The following MCC variants were observed in gnomAD, a reference collection of about 807,000 sequenced individuals.
The protein encoded by MCC is colorectal mutant cancer protein.
Under a neutral mutation model 116.2 loss-of-function variants are expected in MCC, and 90 were observed. The observed-to-expected ratio is 0.77, with a 90% confidence interval of 0.65 to 0.92. The LOEUF is 0.92. Ranked by LOEUF, MCC falls within the 40% of genes least tolerant of loss-of-function variation. The probability of loss-of-function intolerance (pLI) is 0.00; values close to 1 mark genes in which losing one functional copy is unlikely to be tolerated. For missense variants in MCC, 1,516 were observed against 1,312.2 expected (o/e 1.16, Z -2.40); for synonymous variants, 578 against 510.5 (o/e 1.13, Z -1.78).
chr5:113,124,868 G>A (rs1757952510), intron 5 of MCC, among the ~76,000 whole-genome samples: 1 of 152,244 alleles, frequency 6.6e-6, no homozygotes, highest in African/African-American at 2.4e-5. Flanking sequence ...TTCACAAGAA[G>A]GATGCTGTGG....
intron 3 of MCC, among the ~76,000 whole-genome samples, chr5:113,275,271 T>A (rs1374211245): frequency 6.6e-6 from 1 of 152,196 alleles, no homozygotes; most frequent in Non-Finnish European, 1.5e-5. Flanking sequence ...GCCAAACCAG[T>A]AGGTAAAATG....
chr5:113,215,281 G>C (rs1023749164), intron 3 of MCC, among the ~76,000 whole-genome samples: 1 of 152,134 alleles, frequency 6.6e-6, no homozygotes. Flanking sequence ...CAGACAACTT[G>C]GTGGGGGGAG....
intron 3 of MCC, among the ~76,000 whole-genome samples, chr5:113,229,823 T>C (rs968244024): frequency 2.0e-5 from 3 of 152,244 alleles, no homozygotes; most frequent in South Asian, 2.1e-4. Context: ...GTCTGTAGCA[T>C]AGGAGCAACA....
At chr5:113,260,374 T>C (rs1034452094) in intron 3 of MCC, among the ~76,000 whole-genome samples, 1 of 152,196 alleles carries the variant, frequency 6.6e-6, no homozygotes, top group African/African-American at 2.4e-5. Context: ...AATGTCCTGC[T>C]TAATGGAAAA....
In MCC at chr5:113,434,934, C is replaced by A; in HGVS notation, c.171-49722G>T. On this transcript the variant is annotated intron_variant, in intron 1 of 18. Coordinates refer to ENST00000408903, the MANE Select transcript of MCC (RefSeq NM_001085377.2). This position sits in a 1 kb window ranked among gnomAD's most constrained non-coding sequence, Gnocchi z 4.2. ...CTCATTTACATCCTGGATAGAGAGT[C>A]CTTTGGGCTGGCCAGGCCTGCTGTT... 3 of 1,475,264 alleles carry A rather than the reference C, an allele frequency of 2.0e-6. No individual in the cohort carries two copies. Among genetic ancestry groups the A allele is most frequent in the South Asian group, 1.4e-5 (1 of 72,812 alleles). 91.4% of individuals were successfully genotyped at this position (1,475,264 alleles called of 1,614,324 possible).
At chr5:113,196,902 GCC>G (rs1762439840) in intron 3 of MCC, among the ~76,000 whole-genome samples, 2 of 152,136 alleles carry the variant, frequency 1.3e-5, no homozygotes, top group Non-Finnish European at 2.9e-5. Context: ...CTGAGTTTGG[GCC>G]CTGTGATCTG....
Position 113,297,320 on chromosome 5 carries a change from T to C in MCC, c.627+43199A>G, listed in dbSNP as rs540931642. The stretch of plus-strand genomic sequence containing the variant: ...AATTCAAGGTCCAGCCTAGCCAACA[T>C]GGTAAAACCCTGTCTCTACTAGGAT... On this transcript the variant is annotated intron_variant, in intron 3 of 18. Coordinates refer to ENST00000408903, the MANE Select transcript of MCC (RefSeq NM_001085377.2). 5.0e-4 allele frequency among the ~76,000 whole-genome samples: 76 copies of C among 151,958 alleles called. 1 individual carries two copies. Among genetic ancestry groups the C allele is most frequent in the Non-Finnish European group, 1.0e-3 (70 of 67,998 alleles).
chr5:113,466,334 TC>T (rs1259147674), intron 1 of MCC, among the ~76,000 whole-genome samples: 1 of 75,152 alleles, frequency 1.3e-5, no homozygotes, highest in African/African-American at 5.2e-5. Flanking sequence ...CCCTCCCCCC[TC>T]CCCCCACCCC....
intron 1 of MCC, among the ~76,000 whole-genome samples, chr5:113,430,585 G>A (rs1445196043): frequency 6.6e-6 from 1 of 152,182 alleles, no homozygotes; most frequent in African/African-American, 2.4e-5. Flanking sequence ...CAGGACAGTT[G>A]CTCAGGGTGA....
At chr5:113,118,841 A>G (rs556152941) in intron 6 of MCC, among the ~76,000 whole-genome samples, 79 of 151,950 alleles carry the variant, frequency 5.2e-4, no homozygotes, top group African/African-American at 1.8e-3. Flanking sequence ...GCTTTAATGA[A>G]CTCCTCCTTG....
intron 8 of MCC, among the ~76,000 whole-genome samples, chr5:113,099,511 C>G (rs369316333): frequency 6.6e-6 from 1 of 152,244 alleles, no homozygotes; most frequent in Non-Finnish European, 1.5e-5. Flanking sequence ...GCATTTACTA[C>G]GTGCCAGACA....
intron 3 of MCC, among the ~76,000 whole-genome samples, chr5:113,177,638 A>G (rs940666140): frequency 3.9e-5 from 6 of 152,204 alleles, no homozygotes; most frequent in Middle Eastern, 3.2e-3. Context: ...ACATAAAGAC[A>G]TTATACCAAA....
intron 3 of MCC, among the ~76,000 whole-genome samples, chr5:113,197,437 C>T (rs977775727): frequency 2.6e-5 from 4 of 152,142 alleles, no homozygotes; most frequent in Non-Finnish European, 5.9e-5. Context: ...GGACACACAA[C>T]TCTGAACACA....
chr5:113,085,827 G>T (rs781526839), intron 8 of MCC, among the ~76,000 whole-genome samples: 1 of 152,130 alleles, frequency 6.6e-6, no homozygotes, highest in Admixed American at 6.5e-5. Flanking sequence ...GAGCAGCTGG[G>T]ACTAGGTGCA....
intron 3 of MCC, among the ~76,000 whole-genome samples, chr5:113,339,441 G>GCC (rs1169321886): frequency 6.6e-6 from 1 of 151,580 alleles, no homozygotes; most frequent in African/African-American, 2.4e-5. Context: ...GTGTGTGTGC[G>GCC]TGCATGTGTG....
intron 3 of MCC, among the ~76,000 whole-genome samples, chr5:113,296,152 A>T (rs766927480): frequency 1.3e-5 from 2 of 152,166 alleles, no homozygotes; most frequent in Non-Finnish European, 2.9e-5. Flanking sequence ...GCCAAACTAG[A>T]GCACATTCTG....
intron 1 of MCC, among the ~76,000 whole-genome samples, chr5:113,432,388 T>C (rs1770686236): frequency 7.1e-6 from 1 of 141,218 alleles, no homozygotes; most frequent in Non-Finnish European, 1.5e-5. Flanking sequence ...GGAGCTGGAG[T>C]GTACCTGGGC....
At position 113,054,557 on chromosome 5, in the gene MCC, GAGC is replaced by G; in HGVS notation, c.2214-601_2214-599del. On this transcript the variant is annotated intron_variant, in intron 14 of 18. Coordinates refer to ENST00000408903, the MANE Select transcript of MCC (RefSeq NM_001085377.2). ...CCAGGCTGTGGCAGCCGTCCCTGCG[GAGC>G]AGCACCGAAGGGGGCTGTTTTGCTG... Among the ~76,000 whole-genome samples the G allele has an allele frequency of 2.0e-5, 3 of 152,294 alleles. No homozygotes were observed. In the South Asian group the frequency reaches 6.2e-4, roughly 32 times the overall value.
intron 3 of MCC, among the ~76,000 whole-genome samples, chr5:113,280,537 G>T (rs996803834): frequency 1.3e-5 from 2 of 152,092 alleles, no homozygotes; most frequent in African/African-American, 4.8e-5. Context: ...AGAGGGGTGA[G>T]GAGTGTTGCC....
Sources: gnomAD v4.1 joint callset for allele counts (sites outside exome capture counted in the v4.1 genomes callset) on GRCh38, gnomAD v4.1.1 for gene constraint, Gnocchi (gnomAD v3.1) non-coding constraint, MANE v1.5 for transcripts, NCBI Gene and HGNC (gene_info 2026-07-23, HGNC 2026-07-21) for gene names.